Variants in NAV2 observed in about 807,000 individuals in gnomAD.
NAV2 encodes helicase, APC down-regulated 1.
A neutral mutation model predicts 223.2 loss-of-function variants in NAV2; 54 were observed. That is an observed-to-expected ratio of 0.24 (90% CI 0.19 to 0.30). The LOEUF is 0.30. Among genes scored for constraint, NAV2 ranks in the 10% least tolerant of loss-of-function variants. The pLI is 1.00. For synonymous variants in NAV2, 1,279 were observed against 1,239.3 expected, an observed-to-expected ratio of 1.03 and a Z score of -0.67; for missense variants, 2,806 against 3,147.5, an observed-to-expected ratio of 0.89 and a Z score of 2.60.
intron 1 of NAV2, among the ~76,000 whole-genome samples, chr11:19,560,706 G>A (rs973796167): frequency 6.6e-6 from 1 of 152,230 alleles, no homozygotes; most frequent in Non-Finnish European, 1.5e-5. Flanking sequence ...CCTTAGGTAA[G>A]CTACTCCATC....
At chr11:19,753,968 A>G (rs918163215) in intron 1 of NAV2, among the ~76,000 whole-genome samples, 1 of 152,228 alleles carries the variant, frequency 6.6e-6, no homozygotes, top group African/African-American at 2.4e-5. Flanking sequence ...CCGCATGACT[A>G]TAAGAGAGCT....
At chr11:19,762,081 A>G (rs921619523) in intron 1 of NAV2, among the ~76,000 whole-genome samples, 1 of 152,168 alleles carries the variant, frequency 6.6e-6, no homozygotes, top group Non-Finnish European at 1.5e-5. Flanking sequence ...CGTCTCTACT[A>G]AAAATACAAA....
intron 1 of NAV2, among the ~76,000 whole-genome samples, chr11:19,804,388 A>G (rs2058433806): frequency 6.6e-6 from 1 of 152,234 alleles, no homozygotes. Context: ...TAAGTGCTGA[A>G]TGAATCATCA....
chr11:19,869,554 G>A (rs1168812722), intron 4 of NAV2, among the ~76,000 whole-genome samples: 1 of 152,186 alleles, frequency 6.6e-6, no homozygotes, highest in Non-Finnish European at 1.5e-5. Flanking sequence ...TATTAAATTA[G>A]TTATTGGTCT....
chr11:20,061,367 C>T (rs938739703), intron 19 of NAV2, among the ~76,000 whole-genome samples: 5 of 91,240 alleles, frequency 5.5e-5, no homozygotes, highest in African/African-American at 8.9e-5. Context: ...ACTGGGAGTT[C>T]GAGAGCAGCC....
rs2057737554 is a variant in NAV2 at position 20,049,159 on chromosome 11, T to C, written c.4334T>C (p.Val1445Ala). 1 of 1,610,774 alleles carries C rather than the reference T, an allele frequency of 6.2e-7. No homozygotes were observed. ...AAGGACGACTCCTTGACTCCCTTTG[T>C]CAGAACTAACAGTGTGAAGACCACA... The part of the protein sequence containing the change: ...SSKDDSLTPF[V>A]RTNSVKTTLS... The change falls in exon 15 of 38, where the codon GTC becomes GCC. Residue 1445 changes from valine (V) to alanine (A), a missense_variant. By Grantham distance (64) the Val-to-Ala change is moderately conservative. Coordinates refer to ENST00000349880, the MANE Select transcript of NAV2 (RefSeq NM_145117.5).
At chr11:20,116,754 G>C (rs11025393) in intron 37 of NAV2, among the ~76,000 whole-genome samples, 1 of 151,992 alleles carries the variant, frequency 6.6e-6, no homozygotes, top group Non-Finnish European at 1.5e-5. Flanking sequence ...TTCCATTACC[G>C]AGTTAGATAT....
At chr11:19,630,456 A>C (rs2047311329) in intron 1 of NAV2, among the ~76,000 whole-genome samples, 1 of 152,218 alleles carries the variant, frequency 6.6e-6, no homozygotes, top group Non-Finnish European at 1.5e-5. Context: ...CTAGGGTTCC[A>C]AGAAGACATG....
Position 20,093,382 on chromosome 11 carries a change from G to A in NAV2, c.5916+183G>A, listed in dbSNP as rs140407643. ...TCTGACACAAGTAAAGTGTGCGAAC[G>A]GCATTTCCCTTTCTCGTGTGCTTGA... On this transcript the variant is annotated intron_variant, in intron 29 of 37. Transcript: ENST00000349880. 1.3e-4 allele frequency among the ~76,000 whole-genome samples: 20 copies of A among 152,196 alleles called. No individual in the cohort carries two copies. In the South Asian group the frequency reaches 2.5e-3, roughly 19 times the overall value.
At chr11:19,441,104 A>T (rs1250379799) in intron 1 of NAV2, among the ~76,000 whole-genome samples, 1 of 152,216 alleles carries the variant, frequency 6.6e-6, no homozygotes, top group Non-Finnish European at 1.5e-5. Context: ...TGAGATATTG[A>T]TGTTTAACTA....
chr11:19,945,921 CTG>C (rs1565616771), intron 8 of NAV2, among the ~76,000 whole-genome samples: 1 of 152,244 alleles, frequency 6.6e-6, no homozygotes, highest in Admixed American at 6.5e-5. Flanking sequence ...CAACCTTTCT[CTG>C]TATAAATATT....
chr11:19,968,472 G>T (rs915532711), intron 10 of NAV2, among the ~76,000 whole-genome samples: 1 of 152,032 alleles, frequency 6.6e-6, no homozygotes, highest in Non-Finnish European at 1.5e-5. Flanking sequence ...CACCCACCTC[G>T]GCCTCCCAGA....
intron 1 of NAV2, among the ~76,000 whole-genome samples, chr11:19,811,482 T>C (rs1353679968): frequency 1.3e-5 from 2 of 152,212 alleles, no homozygotes; most frequent in Non-Finnish European, 2.9e-5. Flanking sequence ...GAGGCTTCTA[T>C]GGGTGGAAAA....
chr11:20,078,973 T>G (rs1213340651), intron 24 of NAV2, among the ~76,000 whole-genome samples: 1 of 152,242 alleles, frequency 6.6e-6, no homozygotes, highest in Non-Finnish European at 1.5e-5. Context: ...TACAACAATC[T>G]TGTGAGTGTG....
intron 1 of NAV2, among the ~76,000 whole-genome samples, chr11:19,695,570 A>T (rs139432474): frequency 5.3e-5 from 8 of 152,222 alleles, no homozygotes; most frequent in African/African-American, 1.9e-4. Context: ...TGTCATAAAG[A>T]GTTTTGTCCC....
chr11:19,503,478 C>T (rs2043022669), intron 1 of NAV2: 1 of 152,204 alleles, frequency 6.6e-6, no homozygotes, highest in Admixed American at 6.5e-5. Context: ...TTCCTACTCC[C>T]AGGAAACACT....
intron 1 of NAV2, among the ~76,000 whole-genome samples, chr11:19,439,072 A>C (rs1459566868): frequency 6.6e-6 from 1 of 152,072 alleles, no homozygotes; most frequent in Admixed American, 6.6e-5. Context: ...CCCATCTTGA[A>C]GTTTTCTAGG....
At chr11:19,447,358 C>T (rs1851621874) in intron 1 of NAV2, among the ~76,000 whole-genome samples, 1 of 152,144 alleles carries the variant, frequency 6.6e-6, no homozygotes, top group Non-Finnish European at 1.5e-5. Flanking sequence ...TTCCACTCAC[C>T]CTCATCTGAA....
chr11:20,110,348 G>A (rs1388478170), intron 36 of NAV2, among the ~76,000 whole-genome samples: 2 of 152,132 alleles, frequency 1.3e-5, no homozygotes, highest in East Asian at 1.9e-4. Flanking sequence ...GGATTCCTGC[G>A]GAAGCTTGCT....
Sources: gnomAD v4.1 joint callset for allele counts (sites outside exome capture counted in the v4.1 genomes callset) on GRCh38, gnomAD v4.1.1 for gene constraint, MANE v1.5 for transcripts, NCBI Gene and HGNC (gene_info 2026-07-23, HGNC 2026-07-21) for gene names.